The following MTBP variants were observed in gnomAD, a reference collection of about 807,000 sequenced individuals.
MTBP encodes the protein MDM2 binding protein, also known as mdm2-binding protein.
In MTBP, 101 loss-of-function variants were observed where a neutral mutation model predicts 117.0. The observed-to-expected ratio is 0.86, with a 90% confidence interval of 0.73 to 1.02. MTBP has a LOEUF of 1.02. Among genes scored for constraint, MTBP ranks in the 50% least tolerant of loss-of-function variants. The probability of loss-of-function intolerance (pLI) is 0.00; values close to 1 mark genes in which losing one functional copy is unlikely to be tolerated. For missense variants in MTBP, 970 were observed against 1,030.9 expected (o/e 0.94, Z 0.81); for synonymous variants, 350 against 351.5 (o/e 1.00, Z 0.05).
At position 120,518,030 on chromosome 8, in the gene MTBP, G is replaced by A. The variant is rs754476285; in HGVS notation, c.2426G>A (p.Gly809Asp). 6.2e-5 allele frequency: 100 copies of A among 1,612,524 alleles called. No individual in the cohort carries two copies. The highest frequency in any genetic ancestry group is 5.3e-5 in the Non-Finnish European group (63 of 1,179,122). The change falls in exon 19 of 22, where the codon GGT (glycine) becomes GAT (aspartate). Residue 809 changes from glycine to aspartate, a missense_variant. By Grantham distance (94) the Gly-to-Asp change is moderately conservative. Coordinates refer to ENST00000305949, the MANE Select transcript of MTBP (RefSeq NM_022045.5). ...TPKLATKTSS[G>D]QKSMHESKTS... ...AAACTTGCTACAAAGACCAGTTCAG[G>A]TCAAAAAAGTATGCATGAATCAAAA...
intron 17 of MTBP, among the ~76,000 whole-genome samples, chr8:120,512,962 G>A (rs762486946): frequency 1.3e-5 from 2 of 152,026 alleles, no homozygotes; most frequent in Non-Finnish European, 2.9e-5. Flanking sequence ...GAACCCTGGA[G>A]CTCTTTCTCT....
chr8:120,482,101 C>A (rs1277859309), intron 11 of MTBP, among the ~76,000 whole-genome samples: 1 of 152,000 alleles, frequency 6.6e-6, no homozygotes, highest in Non-Finnish European at 1.5e-5. Context: ...ATAATTCAAC[C>A]CAAATCTCTG....
chr8:120,522,723 A>C lies in MTBP; in HGVS notation c.2676+4A>C. ...AGCAAACAACAATGCTGTACAGGTA[A>C]AGAAATTATTCCCAAGAAACTATAT... On this transcript the variant is annotated splice_donor_region_variant and intron_variant, in intron 21 of 21. Coordinates refer to ENST00000305949, the MANE Select transcript of MTBP (RefSeq NM_022045.5). 6.3e-7 allele frequency: 1 copy of C among 1,588,856 alleles called. No individual in the cohort carries two copies. Among genetic ancestry groups the C allele is most frequent in the Non-Finnish European group, 8.6e-7 (1 of 1,166,620 alleles).
intron 18 of MTBP, 68 bp from the exon 19 acceptor site, chr8:120,517,783 G>A: frequency 6.8e-7 from 1 of 1,466,508 alleles, no homozygotes; most frequent in Non-Finnish European, 9.3e-7. Flanking sequence ...TAATATTTAA[G>A]ACAGAAAATG....
At chr8:120,473,937 A>G (rs1310833018) in intron 11 of MTBP, 1 of 152,072 alleles carries the variant, frequency 6.6e-6, no homozygotes, top group Non-Finnish European at 1.5e-5. Flanking sequence ...ACTTGAGTGT[A>G]TTCTGGCAAC....
At chr8:120,475,120 C>T (rs1418012365) in intron 11 of MTBP, among the ~76,000 whole-genome samples, 1 of 151,212 alleles carries the variant, frequency 6.6e-6, no homozygotes, top group Non-Finnish European at 1.5e-5. Context: ...TTAGTTTTTC[C>T]CCCAGATAGC....
intron 17 of MTBP, among the ~76,000 whole-genome samples, chr8:120,511,360 A>G (rs143545083): frequency 5.9e-4 from 90 of 152,320 alleles, no homozygotes; most frequent in South Asian, 1.4e-3. Flanking sequence ...CAGTGGCACA[A>G]TCTTGGCTCA....
chr8:120,494,066 C>G (rs1814404087), intron 13 of MTBP, among the ~76,000 whole-genome samples: 1 of 152,176 alleles, frequency 6.6e-6, no homozygotes, highest in South Asian at 2.1e-4. Context: ...TGGAAGGACC[C>G]TACCAATGTC....
intron 11 of MTBP, among the ~76,000 whole-genome samples, chr8:120,481,148 C>T (rs571575247): frequency 3.3e-5 from 5 of 152,262 alleles, no homozygotes; most frequent in Non-Finnish European, 5.9e-5. Flanking sequence ...ACAACACACT[C>T]ACTAGAATGG....
chr8:120,473,342 T>C (rs1174132250), intron 11 of MTBP: 1 of 151,904 alleles, frequency 6.6e-6, no homozygotes, highest in Non-Finnish European at 1.5e-5. Context: ...GGAAATGATA[T>C]GGTAAATGGT....
intron 11 of MTBP, among the ~76,000 whole-genome samples, chr8:120,478,843 G>A (rs558239552): frequency 9.2e-5 from 14 of 152,152 alleles, no homozygotes; most frequent in African/African-American, 3.4e-4. Flanking sequence ...GATCGTACAC[G>A]TATGCTACGG....
intron 11 of MTBP, among the ~76,000 whole-genome samples, chr8:120,478,801 T>C (rs565402648): frequency 7.0e-4 from 107 of 152,204 alleles, no homozygotes; most frequent in Non-Finnish European, 1.3e-3. Flanking sequence ...GTGGTACATA[T>C]ATACCAGGAA....
intron 8 of MTBP, among the ~76,000 whole-genome samples, chr8:120,459,948 G>A (rs1432478013): frequency 6.6e-6 from 1 of 152,020 alleles, no homozygotes; most frequent in East Asian, 1.9e-4. Context: ...ACTAGGAAAA[G>A]GCTTAGTTGG....
At chr8:120,468,581 G>A (rs1353219571) in intron 10 of MTBP, among the ~76,000 whole-genome samples, 1 of 152,126 alleles carries the variant, frequency 6.6e-6, no homozygotes, top group Admixed American at 6.6e-5. Context: ...TGATGGATGA[G>A]GCAAAACTTT....
intron 11 of MTBP, among the ~76,000 whole-genome samples, chr8:120,476,693 A>G (rs1813948560): frequency 6.6e-6 from 1 of 152,174 alleles, no homozygotes; most frequent in Non-Finnish European, 1.5e-5. Flanking sequence ...TACAACTTAC[A>G]AGGGCTGTGA....
Position 120,518,759 on chromosome 8 carries a change from A to G in MTBP, c.2552A>G (p.His851Arg), listed in dbSNP as rs185224217. Residue 851 changes from histidine to arginine, a missense_variant, in exon 20 of 22, where the codon CAT becomes CGT. Coordinates refer to ENST00000305949, the MANE Select transcript of MTBP (RefSeq NM_022045.5). ...TLKKHSITET[H>R]ECFTACSQRL... ...AAGAAACACAGTATTACCGAGACTC[A>G]TGAATGTTTCACTGCATGCAGCCAG... 6.2e-7 allele frequency: 1 copy of G among 1,612,026 alleles called. No individual in the cohort carries two copies. Among genetic ancestry groups the G allele is most frequent in the Non-Finnish European group, 8.5e-7 (1 of 1,178,720 alleles).
intron 15 of MTBP, among the ~76,000 whole-genome samples, chr8:120,505,769 CTCTAACTGGAAACA>C (rs1486397179): frequency 6.6e-6 from 1 of 152,086 alleles, no homozygotes; most frequent in Non-Finnish European, 1.5e-5. Flanking sequence ...TAACTGAAAC[CTCTAACTGGAAACA>C]TCTAACTGAA....
chr8:120,484,736 C>CA (rs1455534551), intron 11 of MTBP, among the ~76,000 whole-genome samples: 1 of 152,148 alleles, frequency 6.6e-6, no homozygotes, highest in African/African-American at 2.4e-5. Context: ...GTGCAACTAT[C>CA]ACCACAGTCA....
chr8:120,476,959 A>G (rs1248645871), intron 11 of MTBP, among the ~76,000 whole-genome samples: 1 of 152,224 alleles, frequency 6.6e-6, no homozygotes, highest in Non-Finnish European at 1.5e-5. Context: ...TCCTAAGCAA[A>G]AAGAACAGAG....
Sources: gnomAD v4.1 joint callset for allele counts (sites outside exome capture counted in the v4.1 genomes callset) on GRCh38, gnomAD v4.1.1 for gene constraint, MANE v1.5 for transcripts, NCBI Gene and HGNC (gene_info 2026-07-23, HGNC 2026-07-21) for gene names.